The following PAX7 variants were observed in gnomAD, a reference collection of about 807,000 sequenced individuals.
The protein encoded by PAX7 is paired box protein Pax-7.
In PAX7, 18 loss-of-function variants were observed where a neutral mutation model predicts 50.7. The ratio of observed to expected loss-of-function variants is 0.36; its 90% CI spans 0.25 to 0.53. PAX7 has a LOEUF of 0.53. Among genes scored for constraint, PAX7 ranks in the 20% least tolerant of loss-of-function variants. The pLI is 0.93. For missense variants in PAX7, 644 were observed against 702.9 expected, an observed-to-expected ratio of 0.92 and a Z score of 0.95; for synonymous variants, 310 against 290.4, an observed-to-expected ratio of 1.07 and a Z score of -0.69.
rs141757862 is a variant in PAX7, at chr1:18,735,999, T to C, written c.1402+121T>C. ...GGGTGGGGAATGTCCATTTCACAGA[T>C]GGAAAAATTGAAGTCCAGCCAGATG... On this transcript the variant is annotated intron_variant, in intron 8 of 8. Transcript: ENST00000420770. This position sits in a 1 kb window ranked among gnomAD's most constrained non-coding sequence, Gnocchi z 4.0. 140 of 1,608,524 alleles carry C rather than the reference T, an allele frequency of 8.7e-5. No individual in the cohort carries two copies. The African/African-American group carries it at 1.7e-3, about 20-fold the overall frequency.
intron 7 of PAX7, among the ~76,000 whole-genome samples, chr1:18,721,234 C>G (rs1448174436): frequency 6.6e-6 from 1 of 152,186 alleles, no homozygotes; most frequent in African/African-American, 2.4e-5. Context: ...CCAGAGCGCT[C>G]AGAGCCCAGG....
chr1:18,710,938 T>C (rs2089343991), intron 7 of PAX7, among the ~76,000 whole-genome samples: 1 of 152,216 alleles, frequency 6.6e-6, no homozygotes, highest in Non-Finnish European at 1.5e-5. Flanking sequence ...GCTTAGCAGG[T>C]TGTAGGAACA....
At chr1:18,720,057 A>G (rs1245639880) in intron 7 of PAX7, among the ~76,000 whole-genome samples, 1 of 152,162 alleles carries the variant, frequency 6.6e-6, no homozygotes, top group Non-Finnish European at 1.5e-5. Context: ...GTTTATCCAG[A>G]TACTAAATTC....
intron 4 of PAX7, among the ~76,000 whole-genome samples, chr1:18,654,388 G>A (rs935380935): frequency 1.3e-5 from 2 of 152,228 alleles, no homozygotes; most frequent in African/African-American, 2.4e-5. Flanking sequence ...GTGGGAGAGC[G>A]TGAAGTGGAG....
chr1:18,687,831 T>A (rs1307942367), intron 4 of PAX7, among the ~76,000 whole-genome samples: 2 of 152,042 alleles, frequency 1.3e-5, no homozygotes, highest in Non-Finnish European at 2.9e-5. Flanking sequence ...CCTTCCCCAG[T>A]CTGGGCTTCG....
chr1:18,736,889 T>G (rs1056177262), intron 8 of PAX7, among the ~76,000 whole-genome samples: 1 of 152,240 alleles, frequency 6.6e-6, no homozygotes, highest in Non-Finnish European at 1.5e-5. Flanking sequence ...TCAGCAGCCA[T>G]GTGCTGCTGG....
At chr1:18,723,530 G>C (rs891890239) in intron 7 of PAX7, among the ~76,000 whole-genome samples, 2 of 152,372 alleles carry the variant, frequency 1.3e-5, no homozygotes, top group Middle Eastern at 3.4e-3. Context: ...GGGAATGCAG[G>C]AGGAGGACCT....
At chr1:18,692,880 T>C (rs1570179142) in intron 5 of PAX7, among the ~76,000 whole-genome samples, 1 of 152,146 alleles carries the variant, frequency 6.6e-6, no homozygotes, top group African/African-American at 2.4e-5. Context: ...CTGCCCCGCC[T>C]GCTCTCTGTC....
intron 7 of PAX7, among the ~76,000 whole-genome samples, chr1:18,731,765 G>A (rs1322764550): frequency 2.6e-5 from 4 of 152,078 alleles, no homozygotes; most frequent in South Asian, 4.1e-4. Flanking sequence ...CTCCCCAGAT[G>A]TGGATTTGAT....
rs2088038427 is a variant in PAX7 at position 18,631,299 on chromosome 1, G to A, written c.-305G>A. On this transcript the variant is annotated 5_prime_UTR_variant, in exon 1 of 9. Coordinates refer to ENST00000420770, the MANE Select transcript of PAX7 (RefSeq NM_001135254.2). ...AGGCGCATCAGCCCGCACAACTTCTGGCCGAGGCCAGCCGGCAGAGGCGGA... is the reference window on the plus strand; with the variant it reads ...AGGCGCATCAGCCCGCACAACTTCTAGCCGAGGCCAGCCGGCAGAGGCGGA... The A allele has an allele frequency of 3.2e-6, 1 of 308,856 alleles. No individual in the cohort carries two copies. The highest frequency in any genetic ancestry group is 4.6e-5 in the Admixed American group (1 of 21,810). The allele number at this position is 308,856 out of a possible 1,614,324, so 19.1% of individuals were successfully genotyped here.
chr1:18,735,781 C>G lies in PAX7; in HGVS notation c.1305C>G (p.Ser435Arg). 1 of 1,614,176 alleles carries G rather than the reference C, an allele frequency of 6.2e-7. No homozygotes were observed. The highest frequency in any genetic ancestry group is 1.1e-5 in the South Asian group (1 of 91,088). Residue 435 changes from serine (S) to arginine (R), a missense_variant, in exon 8 of 9, where the codon AGC (serine) becomes AGG (arginine). Physicochemically the swap from Ser to Arg is moderately radical, Grantham distance 110. Coordinates refer to ENST00000420770, the MANE Select transcript of PAX7 (RefSeq NM_001135254.2). The surrounding 1 kb of genome is among the most constrained non-coding windows in gnomAD (Gnocchi z 4.0). Reference protein sequence around the residue: ...QRADSIKPGDSLPTSQAYCPP... With the variant: ...QRADSIKPGDRLPTSQAYCPP... ...CCGACTCCATCAAGCCAGGAGACAGCCTGCCCACCTCCCAGGCCTACTGCC... is the reference window on the plus strand; with the variant it reads ...CCGACTCCATCAAGCCAGGAGACAGGCTGCCCACCTCCCAGGCCTACTGCC...
In PAX7 at chr1:18,745,853, A is replaced by G. The variant is rs1557565416; in HGVS notation, c.*924A>G. 4.3e-6 allele frequency: 1 copy of G among 232,388 alleles called. No homozygotes were observed. Among genetic ancestry groups the G allele is most frequent in the Middle Eastern group, 1.3e-3 (1 of 782 alleles). 14.4% of individuals were successfully genotyped at this position (232,388 alleles called of 1,614,324 possible). A position where few individuals can be genotyped will look rare whatever the true frequency, so the allele number is the denominator to read the frequency against. On this transcript the variant is annotated 3_prime_UTR_variant, in exon 9 of 9. Coordinates refer to ENST00000420770, the MANE Select transcript of PAX7 (RefSeq NM_001135254.2). ...TAAAGTCTTGAGGATACATGAGTGG[A>G]GGAGCAGGAAGTGGGCTCAGAAGGC...
In PAX7 at chr1:18,746,429, C is replaced by T. The variant is rs997578819; in HGVS notation, c.*1500C>T. 4 of 231,258 alleles carry T rather than the reference C, an allele frequency of 1.7e-5. No individual in the cohort carries two copies. The highest frequency in any genetic ancestry group is 8.8e-5 in the African/African-American group (4 of 45,240). The allele number at this position is 231,258 out of a possible 1,614,324, so 14.3% of individuals were successfully genotyped here. ...GGACCTTGGGAGGATGATTCAAACC[C>T]TCAATTCCTCCTCCCTGGGAACTTT... On this transcript the variant is annotated 3_prime_UTR_variant, in exon 9 of 9. Transcript: ENST00000420770.
At chr1:18,694,112 C>A (rs1378230102) in intron 5 of PAX7, among the ~76,000 whole-genome samples, 1 of 152,198 alleles carries the variant, frequency 6.6e-6, no homozygotes, top group East Asian at 1.9e-4. Context: ...GCTGGATCTC[C>A]CCATTTAGCC....
chr1:18,736,414 G>A (rs764274016), intron 8 of PAX7, among the ~76,000 whole-genome samples: 3 of 143,934 alleles, frequency 2.1e-5, no homozygotes, highest in Admixed American at 7.3e-5. Flanking sequence ...GCAGTGAGCC[G>A]AGATCACGCC....
chr1:18,727,350 C>CCT (rs56128615), intron 7 of PAX7, among the ~76,000 whole-genome samples: 1,702 of 135,462 alleles, frequency 0.013, 42 homozygotes, highest in African/African-American at 0.043. Flanking sequence ...ACTCTCTCAT[C>CCT]CTCTCTCTCT....
chr1:18,693,687 C>A (rs2089109724), intron 5 of PAX7, among the ~76,000 whole-genome samples: 1 of 152,212 alleles, frequency 6.6e-6, no homozygotes, highest in South Asian at 2.1e-4. Flanking sequence ...CTTTCCCTCC[C>A]CTCCTGACCG....
intron 7 of PAX7, among the ~76,000 whole-genome samples, chr1:18,710,427 C>T (rs1570208085): frequency 6.6e-6 from 1 of 151,932 alleles, no homozygotes; most frequent in Non-Finnish European, 1.5e-5. Flanking sequence ...GGCGACACTG[C>T]GTTTATAATA....
chr1:18,716,698 C>T (rs1282625089), intron 7 of PAX7, among the ~76,000 whole-genome samples: 1 of 151,818 alleles, frequency 6.6e-6, no homozygotes, highest in East Asian at 1.9e-4. Context: ...TCTCTCAAAC[C>T]CTCATTTCCC....
Sources: gnomAD v4.1 joint callset for allele counts (sites outside exome capture counted in the v4.1 genomes callset) on GRCh38, gnomAD v4.1.1 for gene constraint, Gnocchi (gnomAD v3.1) non-coding constraint, MANE v1.5 for transcripts, NCBI Gene and HGNC (gene_info 2026-07-23, HGNC 2026-07-21) for gene names.